Variants in GABRB3 observed in about 807,000 individuals in gnomAD.
GABRB3 encodes gamma-aminobutyric acid type A receptor subunit beta3, also known as gamma-aminobutyric acid receptor subunit beta-3.
Under a neutral mutation model 52.1 loss-of-function variants are expected in GABRB3, and 14 were observed. The observed-to-expected ratio is 0.27, with a 90% CI of 0.18 to 0.42. GABRB3 has a LOEUF of 0.42. Ranked by LOEUF, GABRB3 falls within the 10% of genes least tolerant of loss-of-function variation. GABRB3 has a pLI of 1.00. For missense variants in GABRB3, 307 were observed against 609.1 expected (o/e 0.50, Z 5.22); for synonymous variants, 260 against 232.3 (o/e 1.12, Z -1.08).
At chr15:26,619,623 C>T (rs1430126492) in intron 4 of GABRB3, among the ~76,000 whole-genome samples, 4 of 151,236 alleles carry the variant, frequency 2.6e-5, no homozygotes, top group Admixed American at 6.6e-5. Flanking sequence ...ACATATGTAA[C>T]TAACCTGCAC....
At chr15:26,671,261 T>G (rs934380809) in intron 3 of GABRB3, among the ~76,000 whole-genome samples, 2 of 152,322 alleles carry the variant, frequency 1.3e-5, no homozygotes, top group Admixed American at 6.5e-5. Flanking sequence ...TAAAATAAAT[T>G]AGGAGAAACT....
chr15:26,770,831 TTA>T (rs1441278604), intron 3 of GABRB3, among the ~76,000 whole-genome samples: 2 of 151,960 alleles, frequency 1.3e-5, no homozygotes, highest in Non-Finnish European at 2.9e-5. Context: ...ACTTGTTTCC[TTA>T]TAAACATAAA....
chr15:26,562,458 C>T (rs537468210), intron 7 of GABRB3, among the ~76,000 whole-genome samples: 1 of 152,286 alleles, frequency 6.6e-6, no homozygotes, highest in East Asian at 1.9e-4. Flanking sequence ...ATCCTTCATC[C>T]TCAGTAACCC....
At chr15:26,653,089 G>A (rs1247556788) in intron 3 of GABRB3, among the ~76,000 whole-genome samples, 1 of 152,112 alleles carries the variant, frequency 6.6e-6, no homozygotes, top group Non-Finnish European at 1.5e-5. Flanking sequence ...CTGGGAGTAG[G>A]CAGAACTAAC....
At chr15:26,720,697 A>C (rs1823565918) in intron 3 of GABRB3, among the ~76,000 whole-genome samples, 1 of 152,216 alleles carries the variant, frequency 6.6e-6, no homozygotes, top group Non-Finnish European at 1.5e-5. Context: ...ATACATGTAT[A>C]GGGCCTTCAC....
intron 4 of GABRB3, among the ~76,000 whole-genome samples, chr15:26,610,589 TG>T (rs989925183): frequency 1.3e-5 from 2 of 152,190 alleles, no homozygotes; most frequent in Non-Finnish European, 2.9e-5. Context: ...GGGCTCTCTA[TG>T]GACCTCATTT....
intron 3 of GABRB3, among the ~76,000 whole-genome samples, chr15:26,692,364 T>C (rs1372820452): frequency 1.3e-5 from 2 of 152,156 alleles, no homozygotes; most frequent in African/African-American, 4.8e-5. Flanking sequence ...TACCTTTTCT[T>C]GGTGGCAGCA....
chr15:26,594,807 T>A (rs1308844052), intron 4 of GABRB3, among the ~76,000 whole-genome samples: 1 of 152,178 alleles, frequency 6.6e-6, no homozygotes, highest in Non-Finnish European at 1.5e-5. Context: ...TGAGCCACCA[T>A]GCCTGGAAAA....
At chr15:26,572,156 G>A (rs965253712) in intron 6 of GABRB3, among the ~76,000 whole-genome samples, 2 of 152,158 alleles carry the variant, frequency 1.3e-5, no homozygotes, top group Admixed American at 6.5e-5. Context: ...ACAGTAAGTG[G>A]GGCAAACAAC....
intron 3 of GABRB3, among the ~76,000 whole-genome samples, chr15:26,634,840 GTGTA>G (rs1893002808): frequency 1.4e-5 from 2 of 145,506 alleles, no homozygotes; most frequent in Admixed American, 1.4e-4. Flanking sequence ...GTGTTTGTGT[GTGTA>G]TGTATACATA....
chr15:26,772,892 C>T lies in GABRB3; in HGVS notation c.71G>A (p.Cys24Tyr). 15 of 1,492,734 alleles carry T rather than the reference C, an allele frequency of 1.0e-5. No homozygotes were observed. Among genetic ancestry groups the T allele is most frequent in the Non-Finnish European group, 1.3e-5 (15 of 1,120,190 alleles). The allele number at this position is 1,492,734 out of a possible 1,614,324, so 92.5% of individuals were successfully genotyped here. ...SAPVLVAVVC[C>Y]AQSVNDPGNM... Reference sequence around the variant, plus strand: ...CCACCCGCGACCCTACCTCTGGGCGCAGCACACCACAGCCACCAGCACCGG... The same window carrying T: ...CCACCCGCGACCCTACCTCTGGGCGTAGCACACCACAGCCACCAGCACCGG... The change falls in exon 1 of 9, where the codon TGC becomes TAC. Residue 24 changes from cysteine (C) to tyrosine (Y), a missense_variant. This residue lies in a region of GABRB3 where 90 missense variants were observed against 86.4 expected (regional missense o/e 1.04). Coordinates refer to ENST00000311550, the MANE Select transcript of GABRB3 (RefSeq NM_000814.6).
chr15:26,676,509 C>T (rs542564756), intron 3 of GABRB3, among the ~76,000 whole-genome samples: 4 of 152,292 alleles, frequency 2.6e-5, no homozygotes, highest in African/African-American at 9.6e-5. Context: ...CATATACACA[C>T]ACAGGTGCAC....
intron 3 of GABRB3, among the ~76,000 whole-genome samples, chr15:26,671,220 G>T (rs1169197353): frequency 6.6e-6 from 1 of 152,132 alleles, no homozygotes; most frequent in Non-Finnish European, 1.5e-5. Flanking sequence ...TTCCTTTCAG[G>T]TTCTTGATTG....
intron 3 of GABRB3, chr15:26,624,277 T>C (rs1213821269): frequency 1.0e-6 from 1 of 985,648 alleles, no homozygotes; most frequent in Non-Finnish European, 1.2e-6. Context: ...AAAAGGAGGA[T>C]GTGTTAGTGG....
At chr15:26,674,068 T>C (rs1219192194) in intron 3 of GABRB3, among the ~76,000 whole-genome samples, 2 of 146,988 alleles carry the variant, frequency 1.4e-5, no homozygotes, top group African/African-American at 2.5e-5. Context: ...ACCCCCCCCT[T>C]TTTTTTTTTA....
intron 3 of GABRB3, among the ~76,000 whole-genome samples, chr15:26,692,732 A>C (rs1595533715): frequency 6.6e-6 from 1 of 152,344 alleles, no homozygotes; most frequent in Middle Eastern, 3.4e-3. Flanking sequence ...CAATGAAGGC[A>C]GAGAAAAAAA....
At chr15:26,593,836 T>C (rs1048089427) in intron 4 of GABRB3, among the ~76,000 whole-genome samples, 1 of 151,740 alleles carries the variant, frequency 6.6e-6, no homozygotes, top group Non-Finnish European at 1.5e-5. Flanking sequence ...AGTGGAATTG[T>C]GGATCATATG....
At chr15:26,628,534 A>C (rs780164163) in intron 3 of GABRB3, among the ~76,000 whole-genome samples, 19 of 152,220 alleles carry the variant, frequency 1.2e-4, no homozygotes, top group Admixed American at 2.6e-4. Flanking sequence ...TTGGAAAAAC[A>C]ACCATCTGAT....
intron 3 of GABRB3, among the ~76,000 whole-genome samples, chr15:26,720,558 T>C (rs1889617298): frequency 6.6e-6 from 1 of 152,200 alleles, no homozygotes; most frequent in African/African-American, 2.4e-5. Flanking sequence ...AATTGGCAAC[T>C]GTACAATCTC....
Sources: gnomAD v4.1 joint callset for allele counts (sites outside exome capture counted in the v4.1 genomes callset) on GRCh38, gnomAD v4.1.1 for gene constraint, gnomAD v4.1.1 regional missense constraint, MANE v1.5 for transcripts, NCBI Gene and HGNC (gene_info 2026-07-23, HGNC 2026-07-21) for gene names.